Variants in LILRB3 observed in about 807,000 individuals in gnomAD.
LILRB3 encodes leukocyte immunoglobulin like receptor B3, also known as leukocyte immunoglobulin-like receptor subfamily B member 3.
In LILRB3, 32 loss-of-function variants were observed where a neutral mutation model predicts 68.2. The observed-to-expected ratio is 0.47, with a 90% CI of 0.35 to 0.63. The LOEUF (loss-of-function observed/expected upper bound fraction) is 0.63, where lower values mean the gene tolerates loss of function less well. Among genes scored for constraint, LILRB3 ranks in the 30% least tolerant of loss-of-function variants. LILRB3 has a pLI of 0.00. For synonymous variants in LILRB3, 185 were observed against 323.1 expected (o/e 0.57, Z 4.58); for missense variants, 502 against 791.3 (o/e 0.63, Z 4.39).
chr19:54,217,019 C>T, exon 13 of LILRB3: 1 of 1,611,580 alleles, frequency 6.2e-7, no homozygotes, highest in East Asian at 2.2e-5. Context: ...CTGGTGTCCA[C>T]TGGGGGCAGC....
At chr19:54,219,785 T>G in intron 7 of LILRB3, 1 of 1,507,726 alleles carries the variant, frequency 6.6e-7, no homozygotes, top group Admixed American at 2.0e-5. Flanking sequence ...CATCACCACC[T>G]CCAGAGGAGC....
exon 13 of LILRB3, chr19:54,216,721 TCA>T (rs2077505312): frequency 1.8e-6 from 2 of 1,116,766 alleles, no homozygotes; most frequent in South Asian, 3.1e-5. Context: ...TCTCGCTCTG[TCA>T]CACAGGCTGG....
chr19:54,217,271 G>A lies in LILRB3; in HGVS notation c.1750-32C>T, dbSNP rs373516063. 2.5e-4 allele frequency: 404 copies of A among 1,599,442 alleles called. 2 individuals are homozygous for A. The highest frequency in any genetic ancestry group is 3.3e-4 in the Non-Finnish European group (389 of 1,175,330). ...CGGGGGAGAGTGAGAGGTAAGGAACGTGGTGGGGGTGGGGGAGGCCTGGGG... is the reference window on the plus strand; with the variant it reads ...CGGGGGAGAGTGAGAGGTAAGGAACATGGTGGGGGTGGGGGAGGCCTGGGG... On this transcript the variant is annotated intron_variant, in intron 12 of 12. Coordinates refer to ENST00000445347, the Ensembl canonical transcript of LILRB3.
chr19:54,217,074 G>T (rs58588746), exon 13 of LILRB3: 2 of 1,612,172 alleles, frequency 1.2e-6, no homozygotes, highest in Non-Finnish European at 1.7e-6. Flanking sequence ...CTGAGTGTGG[G>T]GTCTGCGTAC....
chr19:54,219,772 C>A (rs1373763188), intron 7 of LILRB3: 1 of 1,488,690 alleles, frequency 6.7e-7, no homozygotes, highest in South Asian at 1.2e-5. Flanking sequence ...AGGGGCCTGT[C>A]CACATCACCA....
exon 8 of LILRB3, chr19:54,219,169 G>A: frequency 1.2e-6 from 2 of 1,607,638 alleles, no homozygotes; most frequent in Non-Finnish European, 1.7e-6. Context: ...GGAGGAGGAG[G>A]AGGAAGAGGA....
exon 13 of LILRB3, chr19:54,216,819 A>C: frequency 7.5e-7 from 1 of 1,338,808 alleles, no homozygotes; most frequent in Non-Finnish European, 9.6e-7. Flanking sequence ...CAGCCTCCTG[A>C]GTACCACACC....
chr19:54,222,006 T>C (rs1371460629), exon 4 of LILRB3: 36 of 1,610,458 alleles, frequency 2.2e-5, no homozygotes, highest in Non-Finnish European at 3.0e-5. Context: ...GGAGCTGGTG[T>C]TCTCCTTCCT....
chr19:54,222,360 G>T lies in LILRB3; in HGVS notation c.273C>A (p.His91Gln), dbSNP rs1252665987. The T allele has an allele frequency of 1.0e-5, 16 of 1,600,072 alleles. No individual in the cohort carries two copies. In the Admixed American group the frequency reaches 1.0e-4, roughly 10 times the overall value. ...AGTGGCAGCGGTATCTCCCTGCATG[G>T]TGCTGTGTCATGGATGGGATGGAGA... Residue 91 changes from histidine to glutamine, a missense_variant, in exon 3 of 13, where the codon CAC becomes CAA. His to Gln is a conservative substitution (Grantham distance 24). Around this residue, in one of 8 missense-constraint regions of LILRB3, gnomAD observed 97 missense variants for 180.4 expected, o/e 0.54. Coordinates refer to ENST00000445347, the Ensembl canonical transcript of LILRB3.
At chr19:54,217,466 G>C in exon 12 of LILRB3, 4 of 1,608,918 alleles carry the variant, frequency 2.5e-6, no homozygotes, top group Non-Finnish European at 2.5e-6. Context: ...GGTCTTCATC[G>C]TGTGGGCTCT....
At chr19:54,217,641 G>A (rs2077619642) in intron 11 of LILRB3, 167 bp from the exon 12 acceptor site, 1 of 1,053,322 alleles carries the variant, frequency 9.5e-7, no homozygotes. Flanking sequence ...CTGTGGTTCT[G>A]GCCTCTGCTC....
At chr19:54,216,813 C>A (rs2077509559) in exon 13 of LILRB3, 45 of 1,315,492 alleles carry the variant, frequency 3.4e-5, no homozygotes, top group Non-Finnish European at 4.4e-5. Context: ...CCCACTCAGC[C>A]TCCTGAGTAC....
At chr19:54,218,612 A>C in intron 10 of LILRB3, 33 bp downstream of exon 10, 1 of 1,614,082 alleles carries the variant, frequency 6.2e-7, no homozygotes, top group South Asian at 1.1e-5. Context: ...CTGTCTCTCC[A>C]GCACCCCCAT....
At chr19:54,221,618 C>G in intron 4 of LILRB3, 2 of 1,541,274 alleles carry the variant, frequency 1.3e-6, no homozygotes, top group South Asian at 2.4e-5. Context: ...GCAAACACAC[C>G]GATGCCTTCC....
rs1287822441 is a variant in LILRB3, at chr19:54,222,697, C to T, written c.70+50G>A. 19 of 1,612,502 alleles carry T rather than the reference C, an allele frequency of 1.2e-5. No individual in the cohort carries two copies. The South Asian group carries it at 1.4e-4, about 12-fold the overall frequency. ...CTCCCCCAGCTGCCCATGGGTGGCC[C>T]CCTGTCCCAGTGAGGAGTAGGGACC... On this transcript the variant is annotated intron_variant, in intron 2 of 12. Coordinates refer to ENST00000445347, the Ensembl canonical transcript of LILRB3.
intron 4 of LILRB3, 175 bp downstream of exon 4, chr19:54,221,653 G>T: frequency 6.3e-7 from 1 of 1,586,490 alleles, no homozygotes; most frequent in Non-Finnish European, 8.5e-7. Flanking sequence ...CCAGGTGAAC[G>T]TGGTCAAGGG....
chr19:54,221,671 T>G (rs2078192230), intron 4 of LILRB3, 157 bp downstream of exon 4: 8 of 1,589,796 alleles, frequency 5.0e-6, no homozygotes, highest in Non-Finnish European at 6.0e-6. Flanking sequence ...GGGCTCCTCC[T>G]CCCATGTCAG....
chr19:54,218,786 G>T, exon 9 of LILRB3: 1 of 1,614,066 alleles, frequency 6.2e-7, no homozygotes, highest in Non-Finnish European at 8.5e-7. Flanking sequence ...CCCTGTCCTT[G>T]GGCTCTGTCT....
chr19:54,216,767 T>G (rs2077507839), exon 13 of LILRB3: 1 of 1,205,412 alleles, frequency 8.3e-7, no homozygotes, highest in East Asian at 3.8e-5. Flanking sequence ...CACTGCAGCC[T>G]CAGCAGCCTT....
Sources: allele counts gnomAD v4.1 joint callset, GRCh38; gene constraint gnomAD v4.1.1; regional missense constraint gnomAD v4.1.1; transcripts MANE v1.5; gene names NCBI Gene and HGNC (gene_info 2026-07-23, HGNC 2026-07-21).